Variants in RAC1 observed in about 807,000 individuals in gnomAD.
RAC1 encodes the protein ras-related C3 botulinum toxin substrate 1.
A neutral mutation model predicts 25.2 loss-of-function variants in RAC1; 2 were observed. The observed-to-expected ratio is 0.08, with a 90% CI of 0.03 to 0.25. RAC1 has a LOEUF of 0.25. Ranked by LOEUF, RAC1 falls within the 10% of genes least tolerant of loss-of-function variation. The pLI, the probability that RAC1 is intolerant of heterozygous loss-of-function variation, is 1.00. For missense variants in RAC1, 50 were observed against 235.7 expected (o/e 0.21, Z 5.16); for synonymous variants, 88 against 94.0 (o/e 0.94, Z 0.37).
chr7:6,393,280 A>G (rs1203032746), intron 3 of RAC1, among the ~76,000 whole-genome samples: 2 of 152,226 alleles, frequency 1.3e-5, no homozygotes, highest in African/African-American at 4.8e-5. Flanking sequence ...CAAATTCTTC[A>G]GTATCTTAGG....
At chr7:6,388,726 T>C (rs1331133766) in intron 2 of RAC1, among the ~76,000 whole-genome samples, 1 of 152,154 alleles carries the variant, frequency 6.6e-6, no homozygotes, top group East Asian at 1.9e-4. Flanking sequence ...TAGATAAAGG[T>C]TTAATCATTA....
chr7:6,403,486 T>G lies in RAC1; in HGVS notation c.*1040T>G. ...CTTTCTGATAATGCATTAGAAGGTT[T>G]TTTTGTCGATTAGTAAAAGTGCTTT... On this transcript the variant is annotated 3_prime_UTR_variant, in exon 6 of 6. Coordinates refer to ENST00000348035, the MANE Select transcript of RAC1 (RefSeq NM_006908.5). 4.6e-6 allele frequency: 1 copy of G among 218,862 alleles called. No homozygotes were observed. The highest frequency in any genetic ancestry group is 6.8e-5 in the East Asian group (1 of 14,698). 13.6% of individuals were successfully genotyped at this position (218,862 alleles called of 1,614,324 possible).
rs766654019 is a variant in RAC1 at position 6,402,297 on chromosome 7, G to A, written c.449-19G>A. The A allele has an allele frequency of 3.1e-6, 5 of 1,594,576 alleles. No individual in the cohort carries two copies. In the South Asian group the frequency reaches 5.6e-5, roughly 18 times the overall value. ...AGTGGGGTCGAGTGTACATTGCCGT[G>A]TGGTCGTGTTTCCTGTAGGTGCTGT... On this transcript the variant is annotated intron_variant, in intron 5 of 5. Coordinates refer to ENST00000348035, the MANE Select transcript of RAC1 (RefSeq NM_006908.5).
At chr7:6,389,370 T>C (rs1272202138) in intron 2 of RAC1, among the ~76,000 whole-genome samples, 4 of 151,506 alleles carry the variant, frequency 2.6e-5, no homozygotes, top group African/African-American at 9.7e-5. Flanking sequence ...ACAGATGTGG[T>C]TAAAATCTTT....
At position 6,391,905 on chromosome 7, in the gene RAC1, T is replaced by C; in HGVS notation, c.108-19T>C. The C allele has an allele frequency of 5.0e-6, 8 of 1,613,980 alleles. No individual in the cohort carries two copies. The highest frequency in any genetic ancestry group is 5.9e-6 in the Non-Finnish European group (7 of 1,179,916). On this transcript the variant is annotated intron_variant, in intron 2 of 5. Transcript: ENST00000348035. ...TAGCTTCTACACCTGTGACTAACCA[T>C]TTTCATTCCATTCTACAGCTTTGAC...
chr7:6,384,916 G>C (rs35733871), intron 1 of RAC1, among the ~76,000 whole-genome samples: 27,212 of 151,756 alleles, frequency 0.18, 2,885 homozygotes, highest in Non-Finnish European at 0.24. Context: ...AGTGATCCTC[G>C]TGCCTCAGCC....
intron 2 of RAC1, among the ~76,000 whole-genome samples, chr7:6,390,687 C>G (rs1783069145): frequency 6.6e-6 from 1 of 151,834 alleles, no homozygotes; most frequent in Admixed American, 6.6e-5. Flanking sequence ...TTAAATAATG[C>G]AAAAGTATGC....
intron 4 of RAC1, among the ~76,000 whole-genome samples, chr7:6,400,970 C>T (rs547675217): frequency 1.3e-5 from 2 of 152,114 alleles, no homozygotes; most frequent in Admixed American, 6.6e-5. Context: ...CCACCGTGCC[C>T]GGCTGAGACA....
intron 3 of RAC1, among the ~76,000 whole-genome samples, chr7:6,397,431 T>C (rs2115210130): frequency 1.3e-5 from 2 of 151,648 alleles, no homozygotes; most frequent in East Asian, 4.0e-4. Context: ...GTAGCTGGGA[T>C]TACAGGTGCC....
chr7:6,390,728 T>C (rs956052887), intron 2 of RAC1, among the ~76,000 whole-genome samples: 1 of 152,218 alleles, frequency 6.6e-6, no homozygotes, highest in Non-Finnish European at 1.5e-5. Flanking sequence ...TTTTTGTGGC[T>C]AAAATTTTTA....
At chr7:6,397,889 T>C (rs564666430) in intron 3 of RAC1, among the ~76,000 whole-genome samples, 1 of 152,260 alleles carries the variant, frequency 6.6e-6, no homozygotes, top group African/African-American at 2.4e-5. Context: ...CTTGGGAGGC[T>C]AAGGCAGGAG....
At chr7:6,382,453 T>C (rs1013308049) in intron 1 of RAC1, among the ~76,000 whole-genome samples, 9 of 152,360 alleles carry the variant, frequency 5.9e-5, no homozygotes, top group African/African-American at 2.2e-4. Context: ...CTTTTATTTT[T>C]TTAACGTGAG....
intron 1 of RAC1, among the ~76,000 whole-genome samples, chr7:6,375,096 G>T (rs1782543703): frequency 6.6e-6 from 1 of 151,934 alleles, no homozygotes; most frequent in Non-Finnish European, 1.5e-5. Flanking sequence ...AGCGCTCTTG[G>T]AGATTTTGAC....
intron 3 of RAC1, among the ~76,000 whole-genome samples, chr7:6,395,470 C>T (rs200469642): frequency 6.6e-6 from 1 of 152,186 alleles, no homozygotes; most frequent in Admixed American, 6.5e-5. Flanking sequence ...GAGGGAAACA[C>T]GCACCTGGGG....
At chr7:6,396,834 T>C (rs1359402122) in intron 3 of RAC1, among the ~76,000 whole-genome samples, 1 of 151,958 alleles carries the variant, frequency 6.6e-6, no homozygotes, top group East Asian at 1.9e-4. Context: ...ATCGAGACCA[T>C]CCTGGCTAAC....
At chr7:6,386,849 A>G (rs1298648399) in intron 1 of RAC1, among the ~76,000 whole-genome samples, 5 of 152,012 alleles carry the variant, frequency 3.3e-5, no homozygotes, top group Admixed American at 1.3e-4. Flanking sequence ...CAAACTTAAG[A>G]TTCTTGATGA....
chr7:6,375,287 G>C (rs35156887), intron 1 of RAC1, among the ~76,000 whole-genome samples: 13,712 of 151,872 alleles, frequency 0.09, 1,035 homozygotes, highest in African/African-American at 0.2. Flanking sequence ...ACGGGGTCTC[G>C]CTGTGTTGCC....
At chr7:6,386,001 C>T (rs1468450825) in intron 1 of RAC1, among the ~76,000 whole-genome samples, 2 of 152,092 alleles carry the variant, frequency 1.3e-5, no homozygotes, top group Non-Finnish European at 2.9e-5. Flanking sequence ...ATGTGGTGAC[C>T]TTAGTTATTA....
chr7:6,399,246 G>C (rs1783333593), intron 3 of RAC1, among the ~76,000 whole-genome samples: 1 of 152,224 alleles, frequency 6.6e-6, no homozygotes, highest in African/African-American at 2.4e-5. Flanking sequence ...TGTTGTGTGG[G>C]ATGTTTCTTT....
Sources: gnomAD v4.1 joint callset for allele counts (sites outside exome capture counted in the v4.1 genomes callset) on GRCh38, gnomAD v4.1.1 for gene constraint, MANE v1.5 for transcripts, NCBI Gene and HGNC (gene_info 2026-07-23, HGNC 2026-07-21) for gene names.